STMN1: variants seen among roughly 807,000 people sequenced by gnomAD.
STMN1 encodes stathmin 1.
In STMN1, 3 loss-of-function variants were observed where a neutral mutation model predicts 19.7. The observed-to-expected ratio is 0.15, with a 90% CI of 0.07 to 0.39. The LOEUF is 0.39. STMN1 is among the 10% of genes least tolerant of loss of function. The pLI is 1.00. For synonymous variants in STMN1, 59 were observed against 58.9 expected (o/e 1.00, Z -0.01); for missense variants, 99 against 176.0 (o/e 0.56, Z 2.48).
Position 25,900,877 on chromosome 1 carries a change from C to A in STMN1, c.*139G>T, listed in dbSNP as rs116111782. 1 of 1,459,030 alleles carries A rather than the reference C, an allele frequency of 6.9e-7. No individual in the cohort carries two copies. The highest frequency in any genetic ancestry group is 2.5e-5 in the East Asian group (1 of 40,454). The allele number at this position is 1,459,030 out of a possible 1,614,324, so 90.4% of individuals were successfully genotyped here. A position where few individuals can be genotyped will look rare whatever the true frequency, so the allele number is the denominator to read the frequency against. ...AGCCCCTAAAACAACATCTTACAGT[C>A]TGGATCTGGATCTACCTATACAGTC... On this transcript the variant is annotated 3_prime_UTR_variant, in exon 5 of 5. Transcript: ENST00000455785.
intron 3 of STMN1, chr1:25,902,809 G>A (rs2048890829): frequency 6.6e-6 from 1 of 152,190 alleles, no homozygotes; most frequent in African/African-American, 2.4e-5. Flanking sequence ...AAGCACTGAG[G>A]CTCTTCGGGC....
downstream of STMN1, among the ~76,000 whole-genome samples, chr1:25,897,150 TAAG>T (rs2048824356): frequency 6.6e-6 from 1 of 151,732 alleles, no homozygotes; most frequent in East Asian, 1.9e-4. Context: ...CTGTCTCTAC[TAAG>T]AATACAAAAA....
At chr1:25,889,328 C>T (rs1271890606) in intron 4 of STMN1, among the ~76,000 whole-genome samples, 4 of 152,168 alleles carry the variant, frequency 2.6e-5, no homozygotes, top group Non-Finnish European at 5.9e-5. Flanking sequence ...CAAAATAAAA[C>T]ACTTTTCAGG....
At chr1:25,901,918 A>G (rs159531) in intron 3 of STMN1, 227,735 of 289,378 alleles carry the variant, frequency 0.79, 90,520 homozygotes, top group African/African-American at 0.94. Context: ...GCTGAGGCAG[A>G]AGAATTGCTT....
At position 25,890,349 on chromosome 1, in the gene STMN1, G is replaced by T. The variant is rs144325899; in HGVS notation, c.379-4480C>A. Reference sequence around the variant, plus strand: ...GAGAAACTACAGGGAAAAGGAGCAGGCCTTCTGAAAGGTCAGAGGGCTCTG... The same window carrying T: ...GAGAAACTACAGGGAAAAGGAGCAGTCCTTCTGAAAGGTCAGAGGGCTCTG... On this transcript the variant is annotated intron_variant, in intron 4 of 4. Transcript: ENST00000426559. 1.5e-4 allele frequency among the ~76,000 whole-genome samples: 23 copies of T among 152,298 alleles called. No homozygotes were observed. In the East Asian group the frequency reaches 4.0e-3, roughly 27 times the overall value.
intron 3 of STMN1, chr1:25,902,282 A>G (rs2048884881): frequency 6.6e-6 from 1 of 152,202 alleles, no homozygotes. Context: ...CTTGAGGAAT[A>G]TGTACTTGCG....
At position 25,900,306 on chromosome 1, in the gene STMN1, A is replaced by G; in HGVS notation, c.*710T>C. The G allele has an allele frequency of 2.0e-6, 2 of 985,916 alleles. No homozygotes were observed. The highest frequency in any genetic ancestry group is 2.4e-6 in the Non-Finnish European group (2 of 829,948). The allele number at this position is 985,916 out of a possible 1,614,324, so 61.1% of individuals were successfully genotyped here. A position where few individuals can be genotyped will look rare whatever the true frequency, so the allele number is the denominator to read the frequency against. On this transcript the variant is annotated 3_prime_UTR_variant, in exon 5 of 5. Transcript: ENST00000455785. ...TTTTAATCTGCCTTTTAAAAGGGAC[A>G]CAGAACAAAAAATGGTTGTTTGCAA...
In STMN1 at chr1:25,892,481, G is replaced by A. The variant is rs563001609; in HGVS notation, c.379-6612C>T. ...ACCATCACTACTACATCACTAACTG[G>A]TTGCAAGCTTGAACCAGTTCTTTCT... On this transcript the variant is annotated intron_variant, in intron 4 of 4. Transcript: ENST00000426559. The A allele has an allele frequency of 4.1e-6, 4 of 970,262 alleles. No individual in the cohort carries two copies. In the Admixed American group the frequency reaches 2.5e-4, roughly 60 times the overall value. The allele number at this position is 970,262 out of a possible 1,614,324, so 60.1% of individuals were successfully genotyped here.
chr1:25,899,256 G>C (rs887474551), downstream of STMN1, among the ~76,000 whole-genome samples: 1 of 151,972 alleles, frequency 6.6e-6, no homozygotes, highest in African/African-American at 2.4e-5. Flanking sequence ...GCCACTTGTA[G>C]GACACCTCGT....
chr1:25,885,631 T>C (rs764156593), exon 5 of STMN1: 279 of 1,425,490 alleles, frequency 2.0e-4, no homozygotes, highest in Admixed American at 8.2e-4. Flanking sequence ...CCAAAGGCTT[T>C]TTCTATCTTC....
At position 25,893,590 on chromosome 1, in the gene STMN1, G is replaced by A. The variant is rs541373645; in HGVS notation, c.379-7721C>T. On this transcript the variant is annotated intron_variant, in intron 4 of 4. Transcript: ENST00000426559. ...AGTCTTGTTCTTGTTGACCAGGCTG[G>A]ACTGCGATGGTGTGAACTCGGCTCA... Among the ~76,000 whole-genome samples, 68 of 152,240 alleles carry A rather than the reference G, an allele frequency of 4.5e-4. 1 individual carries two copies. The highest frequency in any genetic ancestry group is 1.6e-3 in the African/African-American group (66 of 41,540).
chr1:25,893,264 G>A (rs1490775029), intron 4 of STMN1, among the ~76,000 whole-genome samples: 1 of 152,050 alleles, frequency 6.6e-6, no homozygotes, highest in Non-Finnish European at 1.5e-5. Flanking sequence ...TACTTATCTC[G>A]CTGCAGACCA....
intron 4 of STMN1, among the ~76,000 whole-genome samples, chr1:25,894,408 G>A (rs1186532210): frequency 6.6e-6 from 1 of 152,158 alleles, no homozygotes; most frequent in Non-Finnish European, 1.5e-5. Flanking sequence ...GGCCAGACAC[G>A]ATGGCCCATG....
chr1:25,904,034 C>G (rs149478288), intron 2 of STMN1, among the ~76,000 whole-genome samples: 177 of 152,238 alleles, frequency 1.2e-3, no homozygotes, highest in African/African-American at 3.9e-3. Context: ...TTCCCAAGGC[C>G]AGGTACCATG....
At chr1:25,900,060 C>T (rs904690618), downstream of STMN1, 10 of 984,414 alleles carry the variant, frequency 1.0e-5, no homozygotes, top group Admixed American at 6.1e-5. Context: ...CTTAACCACC[C>T]GAGTCAAATG....
chr1:25,899,173 T>C (rs1303693576), downstream of STMN1, among the ~76,000 whole-genome samples: 1 of 152,236 alleles, frequency 6.6e-6, no homozygotes, highest in East Asian at 1.9e-4. Flanking sequence ...CTTTCAGGCC[T>C]GTTGATCCTT....
In STMN1 at chr1:25,886,443, T is replaced by TCTAGGATGCTTAGGCGGGACTC. The variant is rs1213300754; in HGVS notation, c.379-596_379-575dup. 1.5e-4 allele frequency among the ~76,000 whole-genome samples: 23 copies of TCTAGGATGCTTAGGCGGGACTC among 152,246 alleles called. 1 individual carries two copies. The highest frequency in any genetic ancestry group is 5.3e-4 in the African/African-American group (22 of 41,532). ...ATTAAGATCCTTCTGGCCCCAGATT[T>TCTAGGATGCTTAGGCGGGACTC]CTAGGATGCTTAGGCGGGACTCCTT... On this transcript the variant is annotated intron_variant, in intron 4 of 4. Transcript: ENST00000426559.
chr1:25,886,479 G>A (rs960917634), intron 4 of STMN1, among the ~76,000 whole-genome samples: 2 of 151,908 alleles, frequency 1.3e-5, no homozygotes, highest in African/African-American at 2.4e-5. Context: ...AGTGGGAGAC[G>A]AGTGCACCTG....
intron 3 of STMN1, chr1:25,902,649 T>C (rs529341514): frequency 6.6e-6 from 1 of 152,358 alleles, no homozygotes; most frequent in African/African-American, 2.4e-5. Context: ...AGTTTCATTA[T>C]ATTTAGCCAG....
Sources: allele counts gnomAD v4.1 joint callset (sites outside exome capture counted in the v4.1 genomes callset), GRCh38; gene constraint gnomAD v4.1.1; transcripts MANE v1.5; gene names NCBI Gene and HGNC (gene_info 2026-07-23, HGNC 2026-07-21).